MAP3K13: variants seen among roughly 807,000 people sequenced by gnomAD.
The protein encoded by MAP3K13 is leucine zipper-bearing kinase.
In MAP3K13, 52 loss-of-function variants were observed where a neutral mutation model predicts 104.0. The ratio of observed to expected loss-of-function variants is 0.50; its 90% confidence interval spans 0.40 to 0.63. The LOEUF (loss-of-function observed/expected upper bound fraction) is 0.63. Ranked by LOEUF, MAP3K13 falls within the 20% of genes least tolerant of loss-of-function variation. MAP3K13 has a pLI of 0.00. For missense variants in MAP3K13, 914 were observed against 1,218.5 expected (o/e 0.75, Z 3.72); for synonymous variants, 394 against 442.2 (o/e 0.89, Z 1.37).
intron 7 of MAP3K13, among the ~76,000 whole-genome samples, chr3:185,459,944 T>G (rs1717002484): frequency 6.6e-6 from 1 of 152,218 alleles, no homozygotes; most frequent in Non-Finnish European, 1.5e-5. Context: ...TCCAGGTTAT[T>G]TCATTTAAGT....
chr3:185,297,049 T>C (rs1296774496), intron 2 of MAP3K13, among the ~76,000 whole-genome samples: 1 of 152,316 alleles, frequency 6.6e-6, no homozygotes, highest in African/African-American at 2.4e-5. Flanking sequence ...ATCAAGAATT[T>C]GTTCTCTGGC....
rs1409517777 is a variant in MAP3K13, at chr3:185,454,764, T to C, written c.1278+3369T>C. Among the ~76,000 whole-genome samples, 10 of 99,404 alleles carry C rather than the reference T, an allele frequency of 1.0e-4. 4 individuals are homozygous for C. The Admixed American group carries it at 1.1e-3, about 11-fold the overall frequency. The allele number at this position is 99,404 out of a possible 152,430, so 65.2% of individuals were successfully genotyped here. A position where few individuals can be genotyped will look rare whatever the true frequency, so the allele number is the denominator to read the frequency against. On this transcript the variant is annotated intron_variant, in intron 7 of 13. Coordinates refer to ENST00000265026, the MANE Select transcript of MAP3K13 (RefSeq NM_004721.5). ...ATATATCATATATATGAGATATATA[T>C]GACATATATATGAGATATATACATG...
chr3:185,469,291 A>G (rs1717638605), intron 10 of MAP3K13, among the ~76,000 whole-genome samples: 1 of 152,216 alleles, frequency 6.6e-6, no homozygotes, highest in Non-Finnish European at 1.5e-5. Flanking sequence ...GTCCAAAAAG[A>G]TAGTCTAAAT....
chr3:185,333,633 C>T (rs1343667205), intron 2 of MAP3K13, among the ~76,000 whole-genome samples: 3 of 152,270 alleles, frequency 2.0e-5, no homozygotes, highest in Non-Finnish European at 4.4e-5. Context: ...TGGGCTCAAG[C>T]CTGTAATCCC....
At position 185,485,640 on chromosome 3, in the gene MAP3K13, C is replaced by T. The variant is rs1718680069; in HGVS notation, c.*3184C>T. ...TATCGCAGTGCTTGTGTTCAAGTAC[C>T]CCTATTTAATTAATAATAGCCCCAA... On this transcript the variant is annotated 3_prime_UTR_variant, in exon 14 of 14. Coordinates refer to ENST00000265026, the MANE Select transcript of MAP3K13 (RefSeq NM_004721.5). The T allele has an allele frequency of 6.6e-6, 1 of 151,354 alleles. No homozygotes were observed. The highest frequency in any genetic ancestry group is 2.1e-4 in the South Asian group (1 of 4,770). 9.4% of individuals were successfully genotyped at this position (151,354 alleles called of 1,614,324 possible).
At chr3:185,365,510 G>T (rs904641644) in intron 1 of MAP3K13, among the ~76,000 whole-genome samples, 3 of 152,166 alleles carry the variant, frequency 2.0e-5, no homozygotes, top group Non-Finnish European at 4.4e-5. Context: ...TGCGTTGTGT[G>T]CCTATCCTCT....
rs1370479462 is a variant in MAP3K13 at position 185,480,465 on chromosome 3, C to T, written c.2735C>T (p.Ala912Val). 3 of 1,614,174 alleles carry T rather than the reference C, an allele frequency of 1.9e-6. No individual in the cohort carries two copies. Among genetic ancestry groups the T allele is most frequent in the Admixed American group, 3.3e-5 (2 of 60,012 alleles). The change falls in exon 13 of 14, where the codon GCC (alanine) becomes GTC (valine). Residue 912 changes from alanine (A) to valine (V), a missense_variant. Physicochemically the swap from Ala to Val is moderately conservative, Grantham distance 64. Coordinates refer to ENST00000265026, the MANE Select transcript of MAP3K13 (RefSeq NM_004721.5). ...GATGGGCTCTCTGACAAGGAGTGTG[C>T]CGTGCGCCGTGTGAAGACTCAGATG... The part of the protein sequence containing the change: ...HSDGLSDKEC[A>V]VRRVKTQMSL...
intron 2 of MAP3K13, among the ~76,000 whole-genome samples, chr3:185,356,598 T>C (rs1029740327): frequency 5.8e-4 from 88 of 152,304 alleles, no homozygotes; most frequent in African/African-American, 2.1e-3. Flanking sequence ...GCTAGTATCC[T>C]GATGAAACAA....
At chr3:185,478,196 A>C (rs900702476) in intron 12 of MAP3K13, among the ~76,000 whole-genome samples, 1 of 152,188 alleles carries the variant, frequency 6.6e-6, no homozygotes, top group African/African-American at 2.4e-5. Flanking sequence ...CGATAATAAT[A>C]TTCCTGCTAG....
intron 2 of MAP3K13, among the ~76,000 whole-genome samples, chr3:185,295,008 T>A (rs1720868231): frequency 6.6e-6 from 1 of 152,250 alleles, no homozygotes; most frequent in Admixed American, 6.5e-5. Flanking sequence ...ATCTCATTGC[T>A]TTTAGACTGA....
At chr3:185,293,463 T>C (rs1377703293) in intron 2 of MAP3K13, among the ~76,000 whole-genome samples, 1 of 151,996 alleles carries the variant, frequency 6.6e-6, no homozygotes, top group East Asian at 1.9e-4. Flanking sequence ...TGGAGTGCAA[T>C]GGCACAGGCT....
intron 1 of MAP3K13, among the ~76,000 whole-genome samples, chr3:185,392,518 G>A (rs4074645): frequency 0.88 from 134,414 of 152,248 alleles, 59,446 homozygotes; most frequent in African/African-American, 0.91. Context: ...GGTGACAGAG[G>A]AGGCAGTGAA....
intron 12 of MAP3K13, 76 bp from the exon 13 acceptor site, chr3:185,480,156 C>T: frequency 2.1e-6 from 3 of 1,401,670 alleles, no homozygotes; most frequent in South Asian, 1.3e-5. Flanking sequence ...ATCTCTACCA[C>T]TACTATGAGT....
In MAP3K13 at chr3:185,451,313, C is replaced by G. The variant is rs1450091660; in HGVS notation, c.1196C>G (p.Ser399Cys). ...TWQSKPRNRP[S>C]FRQTLMHLDI... ...CAGAGTAAACCTCGAAACCGACCTTCTTTTCGGCAGACACTCATGCATTTA... is the reference window on the plus strand; with the variant it reads ...CAGAGTAAACCTCGAAACCGACCTTGTTTTCGGCAGACACTCATGCATTTA... Residue 399 changes from serine (S) to cysteine (C), a missense_variant, in exon 7 of 14, where the codon TCT becomes TGT. This residue lies in a region of MAP3K13 where 583 missense variants were observed against 737.4 expected (regional missense o/e 0.79). Transcript: ENST00000265026. 1.9e-6 allele frequency: 3 copies of G among 1,613,020 alleles called. No homozygotes were observed. The highest frequency in any genetic ancestry group is 4.5e-5 in the East Asian group (2 of 44,862).
rs1171968973 is a variant in MAP3K13 at position 185,451,342 on chromosome 3, A to T, written c.1225A>T (p.Ile409Phe). The T allele has an allele frequency of 6.2e-7, 1 of 1,613,866 alleles. No homozygotes were observed. The highest frequency in any genetic ancestry group is 1.1e-5 in the South Asian group (1 of 91,078). ...SFRQTLMHLD[I>F]ASADVLATPQ... is the part of the protein sequence containing the mutation. ...TCGGCAGACACTCATGCATTTAGAC[A>T]TTGCCTCTGCAGATGTACTTGCCAC... Residue 409 changes from isoleucine (I) to phenylalanine (F), a missense_variant, in exon 7 of 14, where the codon ATT becomes TTT. Transcript: ENST00000265026.
Position 185,450,325 on chromosome 3 carries a change from A to C in MAP3K13, c.1169+267A>C, listed in dbSNP as rs1259192404. ...AAGAACTTGGTGTTATTATCTCAAA[A>C]TAGTAGGCCTTGGTCAATGATAGCT... On this transcript the variant is annotated intron_variant, in intron 6 of 13. Transcript: ENST00000265026. This position sits in a 1 kb window ranked among gnomAD's most constrained non-coding sequence, Gnocchi z 4.2. Among the ~76,000 whole-genome samples, 1 of 152,244 alleles carries C rather than the reference A, an allele frequency of 6.6e-6. No individual in the cohort carries two copies. The highest frequency in any genetic ancestry group is 1.5e-5 in the Non-Finnish European group (1 of 68,026).
intron 2 of MAP3K13, among the ~76,000 whole-genome samples, chr3:185,317,873 AC>A (rs1721731262): frequency 6.6e-6 from 1 of 152,158 alleles, no homozygotes; most frequent in African/African-American, 2.4e-5. Context: ...AATGCCACTT[AC>A]AAAAGTGGTT....
At chr3:185,477,497 C>A in intron 12 of MAP3K13, 101 bp downstream of exon 12, 2 of 851,274 alleles carry the variant, frequency 2.3e-6, no homozygotes, top group Non-Finnish European at 3.9e-6. Flanking sequence ...TCCCTGGCAG[C>A]CACCTTATAG....
At chr3:185,392,781 G>T (rs987400311) in intron 1 of MAP3K13, among the ~76,000 whole-genome samples, 3 of 152,160 alleles carry the variant, frequency 2.0e-5, no homozygotes, top group African/African-American at 4.8e-5. Context: ...GGGTGTGGTG[G>T]CTCATGCTTG....
Sources: gnomAD v4.1 joint callset for allele counts (sites outside exome capture counted in the v4.1 genomes callset) on GRCh38, gnomAD v4.1.1 for gene constraint, gnomAD v4.1.1 regional missense constraint, Gnocchi (gnomAD v3.1) non-coding constraint, MANE v1.5 for transcripts, NCBI Gene and HGNC (gene_info 2026-07-23, HGNC 2026-07-21) for gene names.